CLIC6: variants seen among roughly 807,000 people sequenced by gnomAD.
The protein encoded by CLIC6 is CLIC family member 6.
In CLIC6, 39 loss-of-function variants were observed where a neutral mutation model predicts 49.2. The observed-to-expected ratio is 0.79, with a 90% CI of 0.61 to 1.04. The LOEUF is 1.04. Among genes scored for constraint, CLIC6 ranks in the 50% least tolerant of loss-of-function variants. The pLI is 0.00. For missense variants in CLIC6, 988 were observed against 993.1 expected, an observed-to-expected ratio of 0.99 and a Z score of 0.07; for synonymous variants, 446 against 433.4, an observed-to-expected ratio of 1.03 and a Z score of -0.36.
chr21:34,675,720 C>T (rs998260371), intron 1 of CLIC6, among the ~76,000 whole-genome samples: 4 of 152,118 alleles, frequency 2.6e-5, no homozygotes, highest in South Asian at 2.1e-4. Context: ...AGAGCCCTAT[C>T]GTCATTGCCT....
intron 1 of CLIC6, among the ~76,000 whole-genome samples, chr21:34,691,925 T>C (rs541583721): frequency 1.5e-4 from 23 of 152,238 alleles, no homozygotes; most frequent in Non-Finnish European, 2.9e-4. Flanking sequence ...AGAACTTTAA[T>C]TTAGCAATCC....
chr21:34,706,878 A>C (rs1430315084), intron 1 of CLIC6, among the ~76,000 whole-genome samples: 1 of 152,228 alleles, frequency 6.6e-6, no homozygotes, highest in Admixed American at 6.5e-5. Flanking sequence ...TGCTAAGAAT[A>C]GTTGATCCTT....
intron 1 of CLIC6, among the ~76,000 whole-genome samples, chr21:34,693,738 T>G (rs1034883702): frequency 6.6e-6 from 1 of 152,170 alleles, no homozygotes; most frequent in Non-Finnish European, 1.5e-5. Context: ...TGCCCACAGT[T>G]CAGGTCGAAA....
intron 2 of CLIC6, 108 bp from the exon 3 acceptor site, chr21:34,707,836 A>G: frequency 8.9e-7 from 1 of 1,129,232 alleles, no homozygotes; most frequent in East Asian, 2.4e-5. Context: ...TCTACTTTGC[A>G]GTTCTCAAGA....
At chr21:34,711,258 G>A (rs564626024) in intron 5 of CLIC6, among the ~76,000 whole-genome samples, 12 of 152,234 alleles carry the variant, frequency 7.9e-5, no homozygotes, top group East Asian at 1.9e-4. Flanking sequence ...GCGGCCAGGC[G>A]CAGTGGCTCA....
Position 34,670,481 on chromosome 21 carries a change from C to G in CLIC6, c.1093C>G (p.Gln365Glu), listed in dbSNP as rs1989533298. ...GEDRVGDGPQ[Q>E]EPGEDEERRE... ...GGACAGGGTAGGGGATGGGCCACAGCAGGAGCCGGGGGAGGACGAAGAGAG... is the reference window on the plus strand; with the variant it reads ...GGACAGGGTAGGGGATGGGCCACAGGAGGAGCCGGGGGAGGACGAAGAGAG... The change falls in exon 1 of 6, where the codon CAG becomes GAG. Residue 365 changes from glutamine (Q) to glutamate (E), a missense_variant. Gln to Glu is a conservative substitution (Grantham distance 29). Around this residue, in one of 3 missense-constraint regions of CLIC6, gnomAD observed 647 missense variants for 596.9 expected, o/e 1.08. Coordinates refer to ENST00000349499, the MANE Select transcript of CLIC6 (RefSeq NM_053277.3). 1.3e-6 allele frequency: 2 copies of G among 1,492,168 alleles called. No homozygotes were observed. The highest frequency in any genetic ancestry group is 1.8e-6 in the Non-Finnish European group (2 of 1,120,886). 92.4% of individuals were successfully genotyped at this position (1,492,168 alleles called of 1,614,324 possible).
At chr21:34,709,038 C>G (rs1313214115) in intron 4 of CLIC6, among the ~76,000 whole-genome samples, 1 of 152,180 alleles carries the variant, frequency 6.6e-6, no homozygotes. Flanking sequence ...TAGTCATCAC[C>G]CAGGTGTTCC....
chr21:34,707,129 A>T, intron 1 of CLIC6, 151 bp from the exon 2 acceptor site: 1 of 666,432 alleles, frequency 1.5e-6, no homozygotes, highest in African/African-American at 1.8e-5. Flanking sequence ...CGCCAACTCC[A>T]CATTGAGGCT....
chr21:34,707,837 G>T, intron 2 of CLIC6, 107 bp from the exon 3 acceptor site: 1 of 1,195,712 alleles, frequency 8.4e-7, no homozygotes, highest in South Asian at 1.4e-5. Context: ...CTACTTTGCA[G>T]TTCTCAAGAG....
At chr21:34,705,143 T>A (rs1339068589) in intron 1 of CLIC6, among the ~76,000 whole-genome samples, 1 of 152,230 alleles carries the variant, frequency 6.6e-6, no homozygotes, top group Non-Finnish European at 1.5e-5. Context: ...ATGAGAGGTT[T>A]ACAAGCTGCA....
rs139107726 is a variant in CLIC6 at position 34,686,155 on chromosome 21, G to A, written c.1374+15393G>A. 4.9e-3 allele frequency among the ~76,000 whole-genome samples: 743 copies of A among 152,334 alleles called. 11 individuals carry two copies. The highest frequency in any genetic ancestry group is 0.018 in the Admixed American group (272 of 15,308). ...ACGGTGGCTCACACCTGTAATCCCA[G>A]CACTTTGGGAGGCTGAGGTGGGCAG... On this transcript the variant is annotated intron_variant, in intron 1 of 5. Transcript: ENST00000349499.
intron 1 of CLIC6, among the ~76,000 whole-genome samples, chr21:34,676,058 G>A (rs565580027): frequency 2.6e-5 from 4 of 152,316 alleles, no homozygotes; most frequent in South Asian, 4.1e-4. Flanking sequence ...CCTTCAGCAC[G>A]GGTTCCTCCC....
rs913254079 is a variant in CLIC6, at chr21:34,716,899, C to CACACACAA, written c.*418_*419insCACACAAA. 2 of 150,632 alleles carry CACACACAA rather than the reference C, an allele frequency of 1.3e-5. No homozygotes were observed. Among genetic ancestry groups the CACACACAA allele is most frequent in the Non-Finnish European group, 2.8e-5 (2 of 70,480 alleles). 9.3% of individuals were successfully genotyped at this position (150,632 alleles called of 1,614,324 possible). ...ACACACACACACACACACACACACA[C>CACACACAA]AATTTCATTCATATATGGTATTGCA... On this transcript the variant is annotated 3_prime_UTR_variant, in exon 6 of 6. Coordinates refer to ENST00000349499, the MANE Select transcript of CLIC6 (RefSeq NM_053277.3).
Position 34,669,364 on chromosome 21 carries a change from C to A in CLIC6, c.-25C>A, listed in dbSNP as rs757147206. 8.1e-7 allele frequency: 1 copy of A among 1,235,886 alleles called. No individual in the cohort carries two copies. Among genetic ancestry groups the A allele is most frequent in the South Asian group, 4.1e-5 (1 of 24,378 alleles). 76.6% of individuals were successfully genotyped at this position (1,235,886 alleles called of 1,614,324 possible). ...TTAAGCAGCGTCAAGGAAGGAGTCC[C>A]GATCAAGGACAGGGATCTGCGGCCA... On this transcript the variant is annotated 5_prime_UTR_variant, in exon 1 of 6. Coordinates refer to ENST00000349499, the MANE Select transcript of CLIC6 (RefSeq NM_053277.3).
At chr21:34,709,762 C>T (rs1180871822) in intron 5 of CLIC6, among the ~76,000 whole-genome samples, 1 of 152,220 alleles carries the variant, frequency 6.6e-6, no homozygotes, top group Admixed American at 6.5e-5. Flanking sequence ...CCACCTTCTG[C>T]TTCTCTCTCA....
At chr21:34,694,553 C>G (rs1366179471) in intron 1 of CLIC6, among the ~76,000 whole-genome samples, 1 of 152,128 alleles carries the variant, frequency 6.6e-6, no homozygotes, top group Non-Finnish European at 1.5e-5. Context: ...AACTGTGTGG[C>G]ACCTCCTCCT....
chr21:34,699,198 C>T (rs745955418), intron 1 of CLIC6, among the ~76,000 whole-genome samples: 2 of 152,136 alleles, frequency 1.3e-5, no homozygotes, highest in African/African-American at 2.4e-5. Context: ...TGATTTAGAA[C>T]CTTACCTGAA....
chr21:34,672,478 CT>C (rs1989584676), intron 1 of CLIC6, among the ~76,000 whole-genome samples: 2 of 152,188 alleles, frequency 1.3e-5, no homozygotes, highest in African/African-American at 2.4e-5. Flanking sequence ...CTCCTCGCCC[CT>C]GTCTGCCCTC....
intron 1 of CLIC6, among the ~76,000 whole-genome samples, chr21:34,699,043 C>T (rs1990140315): frequency 6.6e-6 from 1 of 152,134 alleles, no homozygotes; most frequent in Admixed American, 6.5e-5. Context: ...AGAGAGAGCG[C>T]ACTTTATTCT....
Sources: allele counts gnomAD v4.1 joint callset (sites outside exome capture counted in the v4.1 genomes callset), GRCh38; gene constraint gnomAD v4.1.1; regional missense constraint gnomAD v4.1.1; transcripts MANE v1.5; gene names NCBI Gene and HGNC (gene_info 2026-07-23, HGNC 2026-07-21).